GPR153: variants seen among roughly 807,000 people sequenced by gnomAD.
The protein encoded by GPR153 is probable G protein-coupled receptor 153.
In GPR153, 27 loss-of-function variants were observed where a neutral mutation model predicts 34.1. The observed-to-expected ratio is 0.79, with a 90% CI of 0.58 to 1.09. The LOEUF (loss-of-function observed/expected upper bound fraction) is 1.09, where lower values mean the gene tolerates loss of function less well. GPR153 is among the 50% of genes least tolerant of loss of function. GPR153 has a pLI of 0.00. For synonymous variants in GPR153, 408 were observed against 405.4 expected (o/e 1.01, Z -0.08); for missense variants, 848 against 860.2 (o/e 0.99, Z 0.18).
intron 3 of GPR153, among the ~76,000 whole-genome samples, chr1:6,253,129 C>A (rs927759089): frequency 6.6e-6 from 1 of 152,178 alleles, no homozygotes; most frequent in African/African-American, 2.4e-5. Flanking sequence ...CAGTGGTTCA[C>A]GCTTGTAATC....
intron 3 of GPR153, among the ~76,000 whole-genome samples, chr1:6,252,815 G>A (rs1390110979): frequency 6.6e-6 from 1 of 152,106 alleles, no homozygotes; most frequent in Non-Finnish European, 1.5e-5. Context: ...TCATTCTTGG[G>A]CCAAGCTGGT....
Position 6,253,772 on chromosome 1 carries a change from G to T in GPR153, c.732C>A (p.Gly244=). 1 of 1,548,382 alleles carries T rather than the reference G, an allele frequency of 6.5e-7. No individual in the cohort carries two copies. Among genetic ancestry groups the T allele is most frequent in the Non-Finnish European group, 8.7e-7 (1 of 1,145,290 alleles). Residue 244 remains glycine (G), a synonymous_variant, in exon 3 of 6, where the codon GGC becomes GGA. Coordinates refer to ENST00000377893, the MANE Select transcript of GPR153 (RefSeq NM_207370.4). ...AGATGAAGACTATGGTGGTCACGAG[G>T]CCCGTGGTCTGCAGAGAGGTTTTGG... ...EPAKTSLQTT[G]LVTTIVFIYD...
rs1300279083 is a variant in GPR153 at position 6,254,091 on chromosome 1, G to A, written c.413C>T (p.Ser138Phe). ...VHTVMGIWMV[S>F]FILSALPAVG... is the part of the protein sequence containing the mutation. Reference sequence around the variant, plus strand: ...GGCAGGCAGGGCCGACAGGATGAAGGACACCATCCAGATACCCATGACTGT... The same window carrying A: ...GGCAGGCAGGGCCGACAGGATGAAGAACACCATCCAGATACCCATGACTGT... Residue 138 changes from serine to phenylalanine, a missense_variant, in exon 3 of 6, where the codon TCC becomes TTC. By Grantham distance (155) the Ser-to-Phe change is radical. Transcript: ENST00000377893. 4 of 1,613,598 alleles carry A rather than the reference G, an allele frequency of 2.5e-6. No homozygotes were observed. The highest frequency in any genetic ancestry group is 3.4e-6 in the Non-Finnish European group (4 of 1,179,982).
intron 3 of GPR153, among the ~76,000 whole-genome samples, chr1:6,253,150 G>A (rs189502818): frequency 6.6e-6 from 1 of 152,320 alleles, no homozygotes; most frequent in African/African-American, 2.4e-5. Context: ...CTAGCAGTTT[G>A]GGAGGCTGAG....
Position 6,249,515 on chromosome 1 carries a change from G to T in GPR153, c.1653C>A (p.Arg551=). ...PSSAQRSPGP[R]PSAHSHAGSL... is the part of the protein sequence containing the mutation. ...AGCCGGCGTGCGAGTGCGCAGAGGG[G>T]CGTGGCCCTGGGCTCCGCTGGGCGC... Residue 551 remains arginine (R), a synonymous_variant, in exon 6 of 6, where the codon CGC becomes CGA. Coordinates refer to ENST00000377893, the MANE Select transcript of GPR153 (RefSeq NM_207370.4). This position sits in a 1 kb window ranked among gnomAD's most constrained non-coding sequence, Gnocchi z 4.3. 1.6e-6 allele frequency: 2 copies of T among 1,231,690 alleles called. No individual in the cohort carries two copies. Among genetic ancestry groups the T allele is most frequent in the Non-Finnish European group, 2.0e-6 (2 of 989,700 alleles). The allele number at this position is 1,231,690 out of a possible 1,614,324, so 76.3% of individuals were successfully genotyped here.
chr1:6,256,375 C>CT (rs70981378), intron 1 of GPR153, among the ~76,000 whole-genome samples: 81,979 of 141,398 alleles, frequency 0.58, 25,607 homozygotes, highest in Admixed American at 0.7. Context: ...TCTTTCTTTT[C>CT]TTTTTTTTTT....
In GPR153 at chr1:6,248,583, A is replaced by G. The variant is rs1449723183; in HGVS notation, c.*755T>C. On this transcript the variant is annotated 3_prime_UTR_variant, in exon 6 of 6. Coordinates refer to ENST00000377893, the MANE Select transcript of GPR153 (RefSeq NM_207370.4). The stretch of plus-strand genomic sequence containing the variant: ...GTGGGTTCCCAAGGGGGCAGGGGGC[A>G]CTGAGAGTGGGAGGCCTCAGGCCTA... 1.3e-5 allele frequency: 2 copies of G among 152,264 alleles called. No individual in the cohort carries two copies. The highest frequency in any genetic ancestry group is 1.3e-4 in the Admixed American group (2 of 15,270). The allele number at this position is 152,264 out of a possible 1,614,324, so 9.4% of individuals were successfully genotyped here. A position where few individuals can be genotyped will look rare whatever the true frequency, so the allele number is the denominator to read the frequency against.
Position 6,252,363 on chromosome 1 carries a change from G to T in GPR153, c.787-833C>A, listed in dbSNP as rs184352460. Among the ~76,000 whole-genome samples the T allele has an allele frequency of 1.8e-3, 271 of 152,206 alleles. 6 individuals carry two copies. The highest frequency in any genetic ancestry group is 1.0e-3 in the Non-Finnish European group (71 of 68,020). On this transcript the variant is annotated intron_variant, in intron 3 of 5. Coordinates refer to ENST00000377893, the MANE Select transcript of GPR153 (RefSeq NM_207370.4). ...ACAAGCTGTACCCTCTTCCCCGTCC[G>T]TAAGAGACGCAGGGGTGGTTCTGAC...
intron 1 of GPR153, among the ~76,000 whole-genome samples, chr1:6,255,652 T>TTG (rs1553152918): frequency 1.3e-4 from 16 of 123,360 alleles, no homozygotes; most frequent in African/African-American, 3.3e-4. Context: ...GTTTTTTTTT[T>TTG]TTTTTTTTTT....
At chr1:6,256,500 T>TGGGA (rs1256313814) in intron 1 of GPR153, among the ~76,000 whole-genome samples, 5 of 151,910 alleles carry the variant, frequency 3.3e-5, no homozygotes, top group Admixed American at 6.6e-5. Flanking sequence ...CCCGAGTGGC[T>TGGGA]GGGACTACAT....
In GPR153 at chr1:6,251,304, A is replaced by G. The variant is rs746978005; in HGVS notation, c.979+34T>C. On this transcript the variant is annotated intron_variant, in intron 4 of 5. Coordinates refer to ENST00000377893, the MANE Select transcript of GPR153 (RefSeq NM_207370.4). The surrounding 1 kb of genome is among the most constrained non-coding windows in gnomAD (Gnocchi z 4.9). ...ACCCCAATGACCTAACCTAGACGCC[A>G]CTCTCCCTGGGGCCACTCTCAGGCC... 7 of 1,535,784 alleles carry G rather than the reference A, an allele frequency of 4.6e-6. No individual in the cohort carries two copies. In the South Asian group the frequency reaches 7.3e-5, roughly 16 times the overall value.
chr1:6,252,894 C>G (rs1427237711), intron 3 of GPR153, among the ~76,000 whole-genome samples: 1 of 152,206 alleles, frequency 6.6e-6, no homozygotes, highest in African/African-American at 2.4e-5. Context: ...AGGCCTTTCT[C>G]ACAGCAGCCC....
rs774273620 is a variant in GPR153, at chr1:6,254,952, C to T, written c.-47G>A. 1.4e-6 allele frequency: 2 copies of T among 1,431,388 alleles called. No individual in the cohort carries two copies. Among genetic ancestry groups the T allele is most frequent in the South Asian group, 2.8e-5 (2 of 71,948 alleles). 88.7% of individuals were successfully genotyped at this position (1,431,388 alleles called of 1,614,324 possible). On this transcript the variant is annotated 5_prime_UTR_variant, in exon 2 of 6. Coordinates refer to ENST00000377893, the MANE Select transcript of GPR153 (RefSeq NM_207370.4). ...GCGGCTGTGGCATCCTCCTTGGAGC[C>T]AGGTCTCAGGGAGCAGCAGCCCTCA...
rs1337753765 is a variant in GPR153 at position 6,251,155 on chromosome 1, C to A, written c.979+183G>T. On this transcript the variant is annotated intron_variant, in intron 4 of 5. Transcript: ENST00000377893. The surrounding 1 kb of genome is among the most constrained non-coding windows in gnomAD (Gnocchi z 4.9). ...GCAGCCAAGCCAGATAGGAGAGTGC[C>A]CTGTGGGAACCTGGCTTAGGTCCCT... 6.6e-6 allele frequency among the ~76,000 whole-genome samples: 1 copy of A among 152,156 alleles called. No homozygotes were observed. The highest frequency in any genetic ancestry group is 2.4e-5 in the African/African-American group (1 of 41,430).
intron 1 of GPR153, among the ~76,000 whole-genome samples, chr1:6,259,174 T>A (rs1387258367): frequency 1.3e-5 from 2 of 152,274 alleles, no homozygotes; most frequent in Middle Eastern, 3.4e-3. Context: ...GGTGTGAGGA[T>A]CACCTGAGCC....
At position 6,249,768 on chromosome 1, in the gene GPR153, G is replaced by A. The variant is rs1638395605; in HGVS notation, c.1400C>T (p.Ala467Val). ...AESLLSLRPS[A>V]LDSGPRGARD... ...GGCTCCCCGCGGGCCGCTATCCAGG[G>A]CCGAGGGCCGCAGCGACAGCAGGCT... Residue 467 changes from alanine to valine, a missense_variant, in exon 6 of 6, where the codon GCC (alanine) becomes GTC (valine). By Grantham distance (64) the Ala-to-Val change is moderately conservative (BLOSUM62 0). Transcript: ENST00000377893. This position sits in a 1 kb window ranked among gnomAD's most constrained non-coding sequence, Gnocchi z 4.3. 8.8e-7 allele frequency: 1 copy of A among 1,140,934 alleles called. No homozygotes were observed. Among genetic ancestry groups the A allele is most frequent in the East Asian group, 4.6e-5 (1 of 21,620 alleles). The allele number at this position is 1,140,934 out of a possible 1,614,324, so 70.7% of individuals were successfully genotyped here. A position where few individuals can be genotyped will look rare whatever the true frequency, so the allele number is the denominator to read the frequency against.
intron 1 of GPR153, among the ~76,000 whole-genome samples, chr1:6,257,203 G>A (rs1638586160): frequency 6.6e-6 from 1 of 152,180 alleles, no homozygotes; most frequent in Admixed American, 6.5e-5. Flanking sequence ...GCCCATGCCA[G>A]AGCCCCCCAC....
In GPR153 at chr1:6,254,849, G is replaced by T. The variant is rs1557614671; in HGVS notation, c.57C>A (p.Gly19=). The T allele has an allele frequency of 6.2e-7, 1 of 1,604,994 alleles. No homozygotes were observed. Among genetic ancestry groups the T allele is most frequent in the Admixed American group, 1.7e-5 (1 of 59,534 alleles). Residue 19 remains glycine, a synonymous_variant, in exon 2 of 6, where the codon GGC becomes GGA. Coordinates refer to ENST00000377893, the MANE Select transcript of GPR153 (RefSeq NM_207370.4). The part of the protein sequence containing the change: ...GSAVGWLVCG[G]LSLLANAWGI... ...CCCAGGCATTGGCCAGCAGGGAGAG[G>T]CCCCCACATACCAGCCAGCCCACTG...
intron 3 of GPR153, among the ~76,000 whole-genome samples, chr1:6,252,209 G>A (rs539574334): frequency 5.3e-5 from 8 of 152,318 alleles, no homozygotes; most frequent in African/African-American, 1.7e-4. Flanking sequence ...TGTGGGCCAC[G>A]TGACCCTCAG....
Sources: allele counts gnomAD v4.1 joint callset (sites outside exome capture counted in the v4.1 genomes callset), GRCh38; gene constraint gnomAD v4.1.1; non-coding constraint Gnocchi (gnomAD v3.1); transcripts MANE v1.5; gene names NCBI Gene and HGNC (gene_info 2026-07-23, HGNC 2026-07-21).